The following RREB1 variants were observed in gnomAD, a reference collection of about 807,000 sequenced individuals.
The protein encoded by RREB1 is ras responsive element binding protein 1.
A neutral mutation model predicts 117.8 loss-of-function variants in RREB1; 27 were observed. The observed-to-expected ratio is 0.23, with a 90% CI of 0.17 to 0.32. RREB1 has a LOEUF of 0.32. RREB1 is among the 10% of genes least tolerant of loss of function. The pLI is 1.00. For missense variants in RREB1, 2,577 were observed against 2,378.2 expected (o/e 1.08, Z -1.74); for synonymous variants, 1,298 against 1,026.7 (o/e 1.26, Z -5.05).
rs1050157849 is a variant in RREB1 at position 7,231,040 on chromosome 6, G to A, written c.2941G>A (p.Val981Ile). 1.2e-6 allele frequency: 2 copies of A among 1,613,942 alleles called. No homozygotes were observed. The highest frequency in any genetic ancestry group is 1.7e-6 in the Non-Finnish European group (2 of 1,180,024). The change falls in exon 10 of 13, where the codon GTA becomes ATA. Residue 981 changes from valine (V) to isoleucine (I), a missense_variant. By Grantham distance (29) the Val-to-Ile change is conservative. Transcript: ENST00000379938. Reference protein sequence around the residue: ...PCPAPGPSLPVTLGPSGILES... With the variant: ...PCPAPGPSLPITLGPSGILES... ...CCCAGCACCCGGCCCTTCTCTTCCTGTAACTTTGGGGCCCAGCGGAATCCT... is the reference window on the plus strand; with the variant it reads ...CCCAGCACCCGGCCCTTCTCTTCCTATAACTTTGGGGCCCAGCGGAATCCT...
intron 1 of RREB1, among the ~76,000 whole-genome samples, chr6:7,145,135 GC>G (rs1302473707): frequency 6.6e-6 from 1 of 152,192 alleles, no homozygotes; most frequent in African/African-American, 2.4e-5. Context: ...AGACAAAGCA[GC>G]CATAAACAAC....
chr6:7,221,932 T>C (rs1767284484), intron 8 of RREB1, among the ~76,000 whole-genome samples: 1 of 152,208 alleles, frequency 6.6e-6, no homozygotes, highest in African/African-American at 2.4e-5. Flanking sequence ...TTTTCCCTAG[T>C]ACAATAACAT....
chr6:7,123,461 C>T (rs1188832909), intron 1 of RREB1, among the ~76,000 whole-genome samples: 3 of 147,976 alleles, frequency 2.0e-5, no homozygotes, highest in East Asian at 2.0e-4. Context: ...CACGCCTGGC[C>T]GAAAGTTGAA....
intron 1 of RREB1, among the ~76,000 whole-genome samples, chr6:7,114,179 T>A (rs1463073796): frequency 6.6e-6 from 1 of 152,212 alleles, no homozygotes; most frequent in Non-Finnish European, 1.5e-5. Flanking sequence ...TGGAGTGCAG[T>A]GGCACAATCT....
At chr6:7,154,779 G>T (rs1310814427) in intron 1 of RREB1, among the ~76,000 whole-genome samples, 3 of 152,082 alleles carry the variant, frequency 2.0e-5, no homozygotes, top group Non-Finnish European at 4.4e-5. Context: ...TTCATCTTTG[G>T]GTGGTTACCC....
chr6:7,135,964 G>A (rs1015156709), intron 1 of RREB1, among the ~76,000 whole-genome samples: 1 of 152,144 alleles, frequency 6.6e-6, no homozygotes, highest in Non-Finnish European at 1.5e-5. Context: ...GAGAGAGGTG[G>A]CATATGACTA....
At chr6:7,121,498 G>A (rs1208096500) in intron 1 of RREB1, among the ~76,000 whole-genome samples, 2 of 152,086 alleles carry the variant, frequency 1.3e-5, no homozygotes, top group African/African-American at 4.8e-5. Flanking sequence ...ATATATTAGA[G>A]TTACATTAGT....
At chr6:7,240,166 C>T (rs1389703707) in intron 10 of RREB1, among the ~76,000 whole-genome samples, 1 of 151,894 alleles carries the variant, frequency 6.6e-6, no homozygotes, top group East Asian at 1.9e-4. Context: ...AATTGTAATA[C>T]CGTTGTTTTA....
Position 7,246,371 on chromosome 6 carries a change from G to A in RREB1, c.3974-53G>A, listed in dbSNP as rs575860824. 2,499 of 1,407,178 alleles carry A rather than the reference G, an allele frequency of 1.8e-3. 5 individuals carry two copies. Among genetic ancestry groups the A allele is most frequent in the Non-Finnish European group, 2.2e-3 (2,324 of 1,073,984 alleles). The allele number at this position is 1,407,178 out of a possible 1,614,324, so 87.2% of individuals were successfully genotyped here. A position where few individuals can be genotyped will look rare whatever the true frequency, so the allele number is the denominator to read the frequency against. On this transcript the variant is annotated intron_variant, in intron 11 of 12. Coordinates refer to ENST00000379938, the MANE Select transcript of RREB1 (RefSeq NM_001003699.4). Reference sequence around the variant, plus strand: ...CCATTCCCGGCGACATCCCTGGCATGGGCGTACCTGGTGGTGCCCCTCTGA... The same window carrying A: ...CCATTCCCGGCGACATCCCTGGCATAGGCGTACCTGGTGGTGCCCCTCTGA...
At chr6:7,108,821 G>T (rs950001626) in intron 1 of RREB1, 1 of 151,718 alleles carries the variant, frequency 6.6e-6, no homozygotes, top group Non-Finnish European at 1.5e-5. Flanking sequence ...GACGGCGCCG[G>T]CCGGGAGGGG....
chr6:7,112,929 A>T (rs1047059996), intron 1 of RREB1, among the ~76,000 whole-genome samples: 8 of 151,982 alleles, frequency 5.3e-5, no homozygotes, highest in African/African-American at 1.9e-4. Context: ...GGTGAAGCGG[A>T]TGGGGAGGAG....
chr6:7,215,530 G>A (rs1267023026), intron 8 of RREB1: 1 of 152,152 alleles, frequency 6.6e-6, no homozygotes, highest in Non-Finnish European at 1.5e-5. Flanking sequence ...TGCAGAGACA[G>A]AGTCTCCCTT....
intron 1 of RREB1, among the ~76,000 whole-genome samples, chr6:7,159,224 C>T (rs1442299149): frequency 1.3e-5 from 2 of 152,088 alleles, no homozygotes; most frequent in South Asian, 2.1e-4. Flanking sequence ...ATTCTGTGAC[C>T]CCTTTGAGGT....
intron 10 of RREB1, among the ~76,000 whole-genome samples, chr6:7,235,613 T>C (rs1768269050): frequency 6.6e-6 from 1 of 152,226 alleles, no homozygotes; most frequent in Non-Finnish European, 1.5e-5. Flanking sequence ...CCGTTTTGTG[T>C]TTTTGAGTAC....
At position 7,164,430 on chromosome 6, in the gene RREB1, G is replaced by A. The variant is rs2113473595; in HGVS notation, c.-284-12225G>A. ...TGTATCCCAGAAAGGAACTCCAGGG[G>A]GACTGTGGTAAATGTCTGATTTAAT... is the stretch of plus-strand genomic sequence containing the variant. On this transcript the variant is annotated intron_variant, in intron 1 of 12. Transcript: ENST00000379938. 3.3e-5 allele frequency among the ~76,000 whole-genome samples: 5 copies of A among 152,228 alleles called. No individual in the cohort carries two copies. In the South Asian group the frequency reaches 1.0e-3, roughly 32 times the overall value.
intron 8 of RREB1, chr6:7,212,904 G>A (rs1021329704): frequency 2.0e-5 from 3 of 152,000 alleles, no homozygotes; most frequent in African/African-American, 4.8e-5. Context: ...CATTGGTGAG[G>A]GAAAAAGGAA....
At chr6:7,196,409 G>A (rs1765681181) in intron 6 of RREB1, among the ~76,000 whole-genome samples, 1 of 151,786 alleles carries the variant, frequency 6.6e-6, no homozygotes, top group Non-Finnish European at 1.5e-5. Context: ...TATTTGTAAT[G>A]CTACTCAGTC....
intron 1 of RREB1, among the ~76,000 whole-genome samples, chr6:7,123,651 C>T (rs1328442601): frequency 7.0e-6 from 1 of 141,916 alleles, no homozygotes; most frequent in Non-Finnish European, 1.5e-5. Context: ...TGCTCTGTCG[C>T]CCAGGCTGGG....
intron 10 of RREB1, among the ~76,000 whole-genome samples, chr6:7,237,385 CTT>C (rs200278722): frequency 6.7e-6 from 1 of 148,560 alleles, no homozygotes; most frequent in Non-Finnish European, 1.5e-5. Flanking sequence ...CCGTGCCGGC[CTT>C]TTTTTTTTAT....
Sources: gnomAD v4.1 joint callset for allele counts (sites outside exome capture counted in the v4.1 genomes callset) on GRCh38, gnomAD v4.1.1 for gene constraint, MANE v1.5 for transcripts, NCBI Gene and HGNC (gene_info 2026-07-23, HGNC 2026-07-21) for gene names.